Variants in SERPINB10 observed in about 807,000 individuals in gnomAD.
SERPINB10 encodes the protein serpin family B member 10.
In SERPINB10, 35 loss-of-function variants were observed where a neutral mutation model predicts 39.1. The observed-to-expected ratio is 0.90, with a 90% CI of 0.68 to 1.19. SERPINB10 has a LOEUF of 1.19. Ranked by LOEUF, SERPINB10 falls within the 50% of genes most tolerant of loss-of-function variation. The pLI, the probability that SERPINB10 is intolerant of heterozygous loss-of-function variation, is 0.00. For missense variants in SERPINB10, 546 were observed against 460.5 expected (o/e 1.19, Z -1.70); for synonymous variants, 190 against 158.1 (o/e 1.20, Z -1.52).
Position 63,919,866 on chromosome 18 carries a change from A to G in SERPINB10, c.451A>G (p.Arg151Gly), listed in dbSNP as rs755221940. The G allele has an allele frequency of 6.2e-7, 1 of 1,610,892 alleles. No individual in the cohort carries two copies. Among genetic ancestry groups the G allele is most frequent in the Non-Finnish European group, 8.5e-7 (1 of 1,178,162 alleles). The change falls in exon 5 of 8, where the codon AGA becomes GGA. Residue 151 changes from arginine (R) to glycine (G), a missense_variant. Transcript: ENST00000238508. ...VNFVEASDQI[R>G]KDINSWVERQ... is the part of the protein sequence containing the mutation. ...CTTTGTGGAAGCTTCTGATCAAATC[A>G]GAAAGGACATCAACTCTTGGGTTGA...
Position 63,934,926 on chromosome 18 carries a change from A to C in SERPINB10, c.878A>C (p.Lys293Thr), listed in dbSNP as rs775723690. The change falls in exon 8 of 8, where the codon AAG (lysine) becomes ACG (threonine). Residue 293 changes from lysine to threonine, a missense_variant. Coordinates refer to ENST00000238508, the MANE Select transcript of SERPINB10 (RefSeq NM_005024.3). ...ELYEVQLHLP[K>T]FKLEDSYDLK... The stretch of plus-strand genomic sequence containing the variant: ...TATGAAGTGCAGCTACACCTTCCCA[A>C]GTTCAAGCTGGAAGACAGTTATGAT... 1 of 1,614,098 alleles carries C rather than the reference A, an allele frequency of 6.2e-7. No individual in the cohort carries two copies. Among genetic ancestry groups the C allele is most frequent in the African/African-American group, 1.3e-5 (1 of 74,932 alleles).
intron 1 of SERPINB10, among the ~76,000 whole-genome samples, chr18:63,914,654 T>C (rs2050088575): frequency 6.6e-6 from 1 of 151,954 alleles, no homozygotes; most frequent in Non-Finnish European, 1.5e-5. Context: ...GTTTCCTCAG[T>C]TGTAGTCTTC....
intron 5 of SERPINB10, among the ~76,000 whole-genome samples, chr18:63,926,025 G>A (rs182227261): frequency 2.6e-5 from 4 of 152,040 alleles, no homozygotes; most frequent in Non-Finnish European, 4.4e-5. Flanking sequence ...TAGTTTCCTA[G>A]GGCTGTCATA....
rs532451931 is a variant in SERPINB10 at position 63,908,753 on chromosome 18, G to A, written c.-10+713G>A. Among the ~76,000 whole-genome samples, 16 of 152,128 alleles carry A rather than the reference G, an allele frequency of 1.1e-4. 1 individual carries two copies. Among genetic ancestry groups the A allele is most frequent in the East Asian group, 3.9e-4 (2 of 5,158 alleles). On this transcript the variant is annotated intron_variant, in intron 1 of 7. Transcript: ENST00000238508. ...CATTCTCTGATATGCACAACTCCAT[G>A]AGGAGGTAATATTATCAGTATCATC...
chr18:63,909,108 A>G (rs2144714977), intron 1 of SERPINB10, among the ~76,000 whole-genome samples: 1 of 152,116 alleles, frequency 6.6e-6, no homozygotes, highest in East Asian at 1.9e-4. Context: ...CGATGATGAA[A>G]TGTCTATGAT....
chr18:63,924,314 T>A (rs1031560701), intron 5 of SERPINB10, among the ~76,000 whole-genome samples: 5 of 151,992 alleles, frequency 3.3e-5, no homozygotes, highest in Non-Finnish European at 7.4e-5. Context: ...CCTAGTACCT[T>A]GGGAACACTG....
chr18:63,933,412 A>G (rs1215459426), intron 7 of SERPINB10, among the ~76,000 whole-genome samples: 1 of 152,208 alleles, frequency 6.6e-6, no homozygotes, highest in Non-Finnish European at 1.5e-5. Flanking sequence ...TATAAAATTA[A>G]TATTACTGTT....
At position 63,925,259 on chromosome 18, in the gene SERPINB10, G is replaced by A. The variant is rs368293324; in HGVS notation, c.491-4786G>A. ...ATAGATAAATGTAGAAATAGATACA[G>A]ATGTGTGTATAATGCATACATTTCC... On this transcript the variant is annotated intron_variant, in intron 5 of 7. Coordinates refer to ENST00000238508, the MANE Select transcript of SERPINB10 (RefSeq NM_005024.3). Among the ~76,000 whole-genome samples the A allele has an allele frequency of 9.2e-5, 14 of 151,956 alleles. 1 individual carries two copies. The highest frequency in any genetic ancestry group is 6.6e-4 in the Admixed American group (10 of 15,230).
At chr18:63,927,371 C>G (rs896384981) in intron 5 of SERPINB10, among the ~76,000 whole-genome samples, 2 of 152,000 alleles carry the variant, frequency 1.3e-5, no homozygotes, top group African/African-American at 4.8e-5. Flanking sequence ...CAGTCCATTA[C>G]AGCTGCTATA....
At chr18:63,931,809 C>T (rs2050224294) in intron 6 of SERPINB10, among the ~76,000 whole-genome samples, 1 of 152,144 alleles carries the variant, frequency 6.6e-6, no homozygotes, top group Admixed American at 6.5e-5. Flanking sequence ...CTCTTGATGT[C>T]GTACTGTTCT....
chr18:63,914,300 A>C (rs1838155749), intron 1 of SERPINB10, among the ~76,000 whole-genome samples: 1 of 152,000 alleles, frequency 6.6e-6, no homozygotes, highest in African/African-American at 2.4e-5. Context: ...TGTTGATCCT[A>C]TTGCGAAGTT....
intron 1 of SERPINB10, among the ~76,000 whole-genome samples, chr18:63,911,574 G>A (rs4499334): frequency 0.26 from 39,532 of 151,722 alleles, 5,796 homozygotes; most frequent in African/African-American, 0.39. Flanking sequence ...TTTGGTAAAG[G>A]TTAGATGTCT....
At chr18:63,922,098 T>G (rs1253703185) in intron 5 of SERPINB10, among the ~76,000 whole-genome samples, 1 of 152,006 alleles carries the variant, frequency 6.6e-6, no homozygotes, top group Non-Finnish European at 1.5e-5. Flanking sequence ...GGACTCTATG[T>G]GCGATAACTC....
At chr18:63,921,939 C>G (rs2050149579) in intron 5 of SERPINB10, among the ~76,000 whole-genome samples, 1 of 151,942 alleles carries the variant, frequency 6.6e-6, no homozygotes, top group Non-Finnish European at 1.5e-5. Context: ...CCAACCCCTC[C>G]TTTGCCCCCA....
chr18:63,922,295 C>T (rs749414981), intron 5 of SERPINB10, among the ~76,000 whole-genome samples: 4 of 151,968 alleles, frequency 2.6e-5, no homozygotes, highest in Non-Finnish European at 5.9e-5. Context: ...TCCTGATTTG[C>T]ATTCATCTGA....
chr18:63,933,031 T>G lies in SERPINB10; in HGVS notation c.634-17T>G, dbSNP rs761786929. 2 of 1,604,614 alleles carry G rather than the reference T, an allele frequency of 1.2e-6. No homozygotes were observed. The highest frequency in any genetic ancestry group is 1.4e-5 in the African/African-American group (1 of 73,820). On this transcript the variant is annotated splice_polypyrimidine_tract_variant and intron_variant, in intron 6 of 7. Coordinates refer to ENST00000238508, the MANE Select transcript of SERPINB10 (RefSeq NM_005024.3). ...ATGACCTTGTTACCTGTTTTTTTGT[T>G]TTTTTGTTTTTTTTAGACTACAAGC...
Position 63,935,821 on chromosome 18 carries a change from T to G in SERPINB10, c.*579T>G, listed in dbSNP as rs1247393782. The G allele has an allele frequency of 2.6e-5, 4 of 152,156 alleles. No homozygotes were observed. The highest frequency in any genetic ancestry group is 4.4e-5 in the Non-Finnish European group (3 of 68,016). 9.4% of individuals were successfully genotyped at this position (152,156 alleles called of 1,614,324 possible). ...CAAGACCCTGTCTCAAAAAAATCATTTTGGTGGCTCATAAATTATGATTGT... is the reference window on the plus strand; with the variant it reads ...CAAGACCCTGTCTCAAAAAAATCATGTTGGTGGCTCATAAATTATGATTGT... On this transcript the variant is annotated 3_prime_UTR_variant, in exon 8 of 8. Coordinates refer to ENST00000238508, the MANE Select transcript of SERPINB10 (RefSeq NM_005024.3).
intron 6 of SERPINB10, 111 bp downstream of exon 6, chr18:63,930,298 AC>A: frequency 1.6e-6 from 2 of 1,214,310 alleles, no homozygotes; most frequent in Non-Finnish European, 2.3e-6. Flanking sequence ...TATGGCTCTT[AC>A]CAGGGAAGTG....
intron 5 of SERPINB10, among the ~76,000 whole-genome samples, chr18:63,926,658 A>C (rs1174576735): frequency 6.6e-6 from 1 of 152,038 alleles, no homozygotes; most frequent in African/African-American, 2.4e-5. Flanking sequence ...AAAGACAATG[A>C]ATGAGTGAGA....
Sources: allele counts gnomAD v4.1 joint callset (sites outside exome capture counted in the v4.1 genomes callset), GRCh38; gene constraint gnomAD v4.1.1; transcripts MANE v1.5; gene names NCBI Gene and HGNC (gene_info 2026-07-23, HGNC 2026-07-21).